The following GNA11 variants were observed in gnomAD, a reference collection of about 807,000 sequenced individuals.
The protein encoded by GNA11 is G protein subunit alpha 11.
A neutral mutation model predicts 38.2 loss-of-function variants in GNA11; 8 were observed. The observed-to-expected ratio is 0.21, with a 90% CI of 0.12 to 0.38. The LOEUF is 0.38. Among genes scored for constraint, GNA11 ranks in the 10% least tolerant of loss-of-function variants. GNA11 has a pLI of 1.00. For missense variants in GNA11, 268 were observed against 516.3 expected, an observed-to-expected ratio of 0.52 and a Z score of 4.66; for synonymous variants, 211 against 221.4, an observed-to-expected ratio of 0.95 and a Z score of 0.42.
intron 1 of GNA11, among the ~76,000 whole-genome samples, chr19:3,101,599 C>G (rs1039271009): frequency 1.3e-5 from 2 of 152,160 alleles, no homozygotes; most frequent in Non-Finnish European, 2.9e-5. Flanking sequence ...CATCAGTGAT[C>G]CTATCCCACA....
chr19:3,103,519 C>CGTTTTTTTTTTTTTTTTTTTTTT (rs1370578226), intron 1 of GNA11, among the ~76,000 whole-genome samples: 2 of 45,800 alleles, frequency 4.4e-5, no homozygotes, highest in African/African-American at 1.6e-4. Flanking sequence ...GGCCTTGAAT[C>CGTTTTTTTTTTTTTTTTTTTTTT]TTTTTTTTTT....
intron 1 of GNA11, among the ~76,000 whole-genome samples, chr19:3,097,411 C>T (rs543428371): frequency 6.6e-6 from 1 of 152,222 alleles, no homozygotes; most frequent in East Asian, 1.9e-4. Context: ...GGGAGGGAGG[C>T]AGGGGCCTGC....
chr19:3,095,382 C>T (rs935229889), intron 1 of GNA11, among the ~76,000 whole-genome samples: 13 of 152,110 alleles, frequency 8.5e-5, no homozygotes, highest in Non-Finnish European at 1.3e-4. Flanking sequence ...CCCTCGCTAC[C>T]CCTTCAGGGC....
In GNA11 at chr19:3,115,001, C is replaced by T. The variant is rs146295413; in HGVS notation, c.534C>T (p.Asp178=). ...TGGGCTACCTGCCCACCCAGCAGGA[C>T]GTGCTGCGGGTCCGCGTGCCCACCA... ...ATLGYLPTQQ[D]VLRVRVPTTG... The change falls in exon 4 of 7, where the codon GAC becomes GAT. Residue 178 remains aspartate (D), a synonymous_variant. Coordinates refer to ENST00000078429, the MANE Select transcript of GNA11 (RefSeq NM_002067.5). The T allele has an allele frequency of 9.4e-5, 152 of 1,613,006 alleles. No homozygotes were observed. Among genetic ancestry groups the T allele is most frequent in the East Asian group, 1.8e-4 (8 of 44,884 alleles).
At position 3,118,993 on chromosome 19, in the gene GNA11, C is replaced by T. The variant is rs746432688; in HGVS notation, c.675C>T (p.Ser225=). ...KWIHCFENVT[S]IMFLVALSEY... Reference sequence around the variant, plus strand: ...TCCACTGCTTTGAGAACGTGACATCCATCATGTTTCTCGTCGCCCTCAGCG... The same window carrying T: ...TCCACTGCTTTGAGAACGTGACATCTATCATGTTTCTCGTCGCCCTCAGCG... Residue 225 remains serine (S), a synonymous_variant, in exon 5 of 7, where the codon TCC becomes TCT. Transcript: ENST00000078429. 6.2e-7 allele frequency: 1 copy of T among 1,613,158 alleles called. No individual in the cohort carries two copies. The highest frequency in any genetic ancestry group is 1.1e-5 in the South Asian group (1 of 91,072).
At position 3,120,997 on chromosome 19, in the gene GNA11, C is replaced by A. The variant is rs1461947710; in HGVS notation, c.898C>A (p.Arg300=). ...CCTCTGCCCTCCCCCAGGTCCCCAG[C>A]GGGACGCCCAGGCGGCGCGGGAGTT... ...DYFPEFDGPQ[R]DAQAAREFIL... is the part of the protein sequence containing the mutation. The change falls in exon 7 of 7, where the codon CGG becomes AGG. Residue 300 remains arginine, a synonymous_variant. Coordinates refer to ENST00000078429, the MANE Select transcript of GNA11 (RefSeq NM_002067.5). The surrounding 1 kb of genome is among the most constrained non-coding windows in gnomAD (Gnocchi z 5.9). 1 of 1,611,722 alleles carries A rather than the reference C, an allele frequency of 6.2e-7. No homozygotes were observed. Among genetic ancestry groups the A allele is most frequent in the South Asian group, 1.1e-5 (1 of 90,996 alleles).
At chr19:3,104,930 A>G (rs1026282379) in intron 1 of GNA11, among the ~76,000 whole-genome samples, 4 of 152,068 alleles carry the variant, frequency 2.6e-5, no homozygotes, top group Non-Finnish European at 5.9e-5. Context: ...GGGGTAGTTT[A>G]TATTTAACTC....
chr19:3,119,465 G>A lies in GNA11; in HGVS notation c.889+106G>A. The A allele has an allele frequency of 2.1e-6, 2 of 966,936 alleles. No homozygotes were observed. Among genetic ancestry groups the A allele is most frequent in the South Asian group, 1.6e-5 (1 of 62,822 alleles). The allele number at this position is 966,936 out of a possible 1,614,324, so 59.9% of individuals were successfully genotyped here. A position where few individuals can be genotyped will look rare whatever the true frequency, so the allele number is the denominator to read the frequency against. On this transcript the variant is annotated intron_variant, in intron 6 of 6. Coordinates refer to ENST00000078429, the MANE Select transcript of GNA11 (RefSeq NM_002067.5). This position sits in a 1 kb window ranked among gnomAD's most constrained non-coding sequence, Gnocchi z 4.6. ...ATACAGGCCGGGAGCTCTAAGGGAG[G>A]GCGTCTGATGGGAGGTGTCATGTAT...
chr19:3,116,580 C>T (rs1599306088), intron 4 of GNA11, among the ~76,000 whole-genome samples: 1 of 152,368 alleles, frequency 6.6e-6, no homozygotes, highest in East Asian at 1.9e-4. Flanking sequence ...CTGTCCTTGG[C>T]CAGGGCCACC....
At chr19:3,113,171 T>C (rs367677588) in intron 2 of GNA11, among the ~76,000 whole-genome samples, 159 bp from the exon 3 acceptor site, 3 of 152,250 alleles carry the variant, frequency 2.0e-5, no homozygotes, top group African/African-American at 7.2e-5. Context: ...CTCGCGTTTT[T>C]CTGACACGTG....
At chr19:3,113,281 A>G in intron 2 of GNA11, 49 bp from the exon 3 acceptor site, 1 of 1,576,528 alleles carries the variant, frequency 6.3e-7, no homozygotes, top group East Asian at 2.2e-5. Context: ...TTTCTGGTGG[A>G]TGTGTGGCCC....
intron 1 of GNA11, among the ~76,000 whole-genome samples, chr19:3,100,394 T>G (rs1348708192): frequency 6.6e-6 from 1 of 152,238 alleles, no homozygotes; most frequent in East Asian, 1.9e-4. Flanking sequence ...CTCGTCGCCA[T>G]CGTCAGCTGC....
Position 3,123,483 on chromosome 19 carries a change from C to T in GNA11, c.*2304C>T, listed in dbSNP as rs560282356. 5.0e-4 allele frequency: 117 copies of T among 233,292 alleles called. No homozygotes were observed. The highest frequency in any genetic ancestry group is 7.0e-4 in the Non-Finnish European group (83 of 118,030). The allele number at this position is 233,292 out of a possible 1,614,324, so 14.5% of individuals were successfully genotyped here. A position where few individuals can be genotyped will look rare whatever the true frequency, so the allele number is the denominator to read the frequency against. On this transcript the variant is annotated 3_prime_UTR_variant, in exon 7 of 7. Coordinates refer to ENST00000078429, the MANE Select transcript of GNA11 (RefSeq NM_002067.5). ...GGACAGCCAACCCCCACCCTTGCCACGTGTGGGGCCACGTGGGCATGTGGG... is the reference window on the plus strand; with the variant it reads ...GGACAGCCAACCCCCACCCTTGCCATGTGTGGGGCCACGTGGGCATGTGGG...
In GNA11 at chr19:3,123,370, G is replaced by T. The variant is rs747374734; in HGVS notation, c.*2191G>T. 2.1e-5 allele frequency: 5 copies of T among 233,398 alleles called. No individual in the cohort carries two copies. Among genetic ancestry groups the T allele is most frequent in the Non-Finnish European group, 8.5e-6 (1 of 118,218 alleles). 14.5% of individuals were successfully genotyped at this position (233,398 alleles called of 1,614,324 possible). ...TGATCCCCTGCCCCCCAAAAAAGCAGAGGTAGGTGTTGCAGGCCCAGGGCA... is the reference window on the plus strand; with the variant it reads ...TGATCCCCTGCCCCCCAAAAAAGCATAGGTAGGTGTTGCAGGCCCAGGGCA... On this transcript the variant is annotated 3_prime_UTR_variant, in exon 7 of 7. Transcript: ENST00000078429.
chr19:3,109,395 T>C (rs963482133), intron 1 of GNA11, among the ~76,000 whole-genome samples: 2 of 152,142 alleles, frequency 1.3e-5, no homozygotes, highest in African/African-American at 4.8e-5. Flanking sequence ...ATCCTTTTCA[T>C]CCTCTGGGGC....
intron 4 of GNA11, chr19:3,118,216 TATTCTTTCA>T (rs1325788445): frequency 5.3e-5 from 8 of 152,202 alleles, no homozygotes; most frequent in Non-Finnish European, 1.2e-4. Context: ...TCTGCCTTTG[TATTCTTTCA>T]AGGAGACCAA....
At chr19:3,100,974 G>A (rs954862321) in intron 1 of GNA11, among the ~76,000 whole-genome samples, 7 of 152,142 alleles carry the variant, frequency 4.6e-5, no homozygotes, top group Admixed American at 2.0e-4. Flanking sequence ...CCTGGATGGC[G>A]TCCACATGGG....
Position 3,123,106 on chromosome 19 carries a change from C to T in GNA11, c.*1927C>T, listed in dbSNP as rs980480688. The T allele has an allele frequency of 1.3e-5, 3 of 233,226 alleles. No homozygotes were observed. Among genetic ancestry groups the T allele is most frequent in the Admixed American group, 5.6e-5 (1 of 17,782 alleles). The allele number at this position is 233,226 out of a possible 1,614,324, so 14.4% of individuals were successfully genotyped here. ...CAGATGGGGCCACCCCTGGCAGGGC[C>T]GCTACAACCTTTTCCAGCAGCGGAG... On this transcript the variant is annotated 3_prime_UTR_variant, in exon 7 of 7. Coordinates refer to ENST00000078429, the MANE Select transcript of GNA11 (RefSeq NM_002067.5).
At chr19:3,109,360 A>G (rs73523943) in intron 1 of GNA11, among the ~76,000 whole-genome samples, 2,495 of 152,218 alleles carry the variant, frequency 0.016, 96 homozygotes, top group African/African-American at 0.057. Flanking sequence ...CCCCTTCCCG[A>G]TAGTTTTTCC....
Sources: gnomAD v4.1 joint callset for allele counts (sites outside exome capture counted in the v4.1 genomes callset) on GRCh38, gnomAD v4.1.1 for gene constraint, Gnocchi (gnomAD v3.1) non-coding constraint, MANE v1.5 for transcripts, NCBI Gene and HGNC (gene_info 2026-07-23, HGNC 2026-07-21) for gene names.